The following TRIM27 variants were observed in gnomAD, a reference collection of about 807,000 sequenced individuals.
The protein encoded by TRIM27 is tripartite motif containing 27.
Under a neutral mutation model 57.6 loss-of-function variants are expected in TRIM27, and 12 were observed. The observed-to-expected ratio is 0.21, with a 90% confidence interval of 0.13 to 0.34. TRIM27 has a LOEUF of 0.34. Among genes scored for constraint, TRIM27 ranks in the 10% least tolerant of loss-of-function variants. TRIM27 has a pLI of 1.00. For synonymous variants in TRIM27, 266 were observed against 259.0 expected, an observed-to-expected ratio of 1.03 and a Z score of -0.26; for missense variants, 403 against 656.8, an observed-to-expected ratio of 0.61 and a Z score of 4.22.
chr6:28,914,587 G>GA (rs1180212967), intron 3 of TRIM27, among the ~76,000 whole-genome samples: 1 of 103,776 alleles, frequency 9.6e-6, no homozygotes, highest in Non-Finnish European at 1.9e-5. Flanking sequence ...AGGGTGGGGG[G>GA]GGGGGGATGA....
In TRIM27 at chr6:28,908,508, T is replaced by C. The variant is rs1772943208; in HGVS notation, c.919+300A>G. 1.5e-5 allele frequency: 6 copies of C among 402,468 alleles called. No individual in the cohort carries two copies. In the East Asian group the frequency reaches 2.4e-4, roughly 16 times the overall value. The allele number at this position is 402,468 out of a possible 1,614,324, so 24.9% of individuals were successfully genotyped here. ...CAAGTGAAACGTATCCAAGGTAGTT[T>C]TTGTTCATTCTTTCCGAAGTAAACA... On this transcript the variant is annotated intron_variant, in intron 6 of 7. Coordinates refer to ENST00000377199, the MANE Select transcript of TRIM27 (RefSeq NM_006510.5).
In TRIM27 at chr6:28,911,508, T is replaced by C. The variant is rs999098081; in HGVS notation, c.770+188A>G. On this transcript the variant is annotated intron_variant, in intron 4 of 7. Transcript: ENST00000377199. ...GCAGCCTCCCACATGAACCCCCTAC[T>C]TCCTGAATTTTACTGAGTAGAGCTG... The C allele has an allele frequency of 2.4e-5, 14 of 595,208 alleles. No individual in the cohort carries two copies. The Admixed American group carries it at 3.7e-4, about 16-fold the overall frequency. 36.9% of individuals were successfully genotyped at this position (595,208 alleles called of 1,614,324 possible). A position where few individuals can be genotyped will look rare whatever the true frequency, so the allele number is the denominator to read the frequency against.
intron 3 of TRIM27, among the ~76,000 whole-genome samples, chr6:28,914,581 T>TGG (rs9280508): frequency 0.013 from 521 of 38,918 alleles, 9 homozygotes; most frequent in African/African-American, 0.021. Context: ...ATTGCAAGGG[T>TGG]GGGGGGGGGG....
chr6:28,919,810 G>T (rs1288116302), intron 3 of TRIM27, among the ~76,000 whole-genome samples: 1 of 152,178 alleles, frequency 6.6e-6, no homozygotes, highest in South Asian at 2.1e-4. Context: ...ATGAGACAAC[G>T]CAATTGACTA....
At chr6:28,914,023 G>GT (rs796375490) in intron 3 of TRIM27, among the ~76,000 whole-genome samples, 9,542 of 110,412 alleles carry the variant, frequency 0.086, 393 homozygotes, top group East Asian at 0.12. Context: ...GCCTACCTAT[G>GT]TTTTTTTTTT....
intron 7 of TRIM27, 44 bp downstream of exon 7, chr6:28,907,192 T>G: frequency 1.3e-6 from 2 of 1,569,418 alleles, no homozygotes; most frequent in Non-Finnish European, 8.7e-7. Context: ...TTCACAAGGA[T>G]TTTTACTCCT....
chr6:28,903,423 G>GA lies in TRIM27; in HGVS notation c.*646dup, dbSNP rs1772529770. 1 of 233,256 alleles carries GA rather than the reference G, an allele frequency of 4.3e-6. No homozygotes were observed. 14.4% of individuals were successfully genotyped at this position (233,256 alleles called of 1,614,324 possible). A position where few individuals can be genotyped will look rare whatever the true frequency, so the allele number is the denominator to read the frequency against. Reference sequence around the variant, plus strand: ...ATGAAGAGAACAGACAAAGCCCTCAGAAAAGATACAAAGGCAGAGACATTG... The same window carrying GA: ...ATGAAGAGAACAGACAAAGCCCTCAGAAAAAGATACAAAGGCAGAGACATTG... On this transcript the variant is annotated 3_prime_UTR_variant, in exon 8 of 8. Coordinates refer to ENST00000377199, the MANE Select transcript of TRIM27 (RefSeq NM_006510.5).
chr6:28,912,794 T>G (rs1232220497), intron 3 of TRIM27, among the ~76,000 whole-genome samples: 1 of 152,224 alleles, frequency 6.6e-6, no homozygotes, highest in Non-Finnish European at 1.5e-5. Flanking sequence ...ATTTTTAAAA[T>G]TTTTTATTGA....
intron 2 of TRIM27, among the ~76,000 whole-genome samples, chr6:28,921,547 C>T (rs1774034932): frequency 6.6e-6 from 1 of 152,066 alleles, no homozygotes; most frequent in Non-Finnish European, 1.5e-5. Context: ...TACACAAATC[C>T]ACTATTAGCA....
At chr6:28,920,729 G>A (rs1773959486) in intron 2 of TRIM27, among the ~76,000 whole-genome samples, 1 of 152,172 alleles carries the variant, frequency 6.6e-6, no homozygotes, top group Non-Finnish European at 1.5e-5. Flanking sequence ...ACCAGAAAAG[G>A]TAAGGCCTTG....
chr6:28,912,380 G>A (rs574435565), intron 3 of TRIM27, among the ~76,000 whole-genome samples: 27 of 152,170 alleles, frequency 1.8e-4, no homozygotes, highest in South Asian at 6.2e-4. Flanking sequence ...AAAGTGCTGG[G>A]ATTACAAGTG....
rs200183375 is a variant in TRIM27, at chr6:28,904,623, A to G, written c.989T>C (p.Ile330Thr). Reference sequence around the variant, plus strand: ...CACTTGCCGCAGATTATCAGAGAGGATCAGGCTGGGGTAGGCCGTGTCTGG... The same window carrying G: ...CACTTGCCGCAGATTATCAGAGAGGGTCAGGCTGGGGTAGGCCGTGTCTGG... ...LDPDTAYPSL[I>T]LSDNLRQVRY... is the part of the protein sequence containing the mutation. Residue 330 changes from isoleucine to threonine, a missense_variant, in exon 8 of 8, where the codon ATC becomes ACC. Coordinates refer to ENST00000377199, the MANE Select transcript of TRIM27 (RefSeq NM_006510.5). The surrounding 1 kb of genome is among the most constrained non-coding windows in gnomAD (Gnocchi z 6.1). The G allele has an allele frequency of 3.1e-6, 5 of 1,601,190 alleles. No homozygotes were observed. The highest frequency in any genetic ancestry group is 4.2e-6 in the Non-Finnish European group (5 of 1,179,950).
chr6:28,907,388 T>C (rs1488545274), intron 6 of TRIM27, 126 bp from the exon 7 acceptor site: 1 of 890,808 alleles, frequency 1.1e-6, no homozygotes, highest in African/African-American at 1.6e-5. Flanking sequence ...CCTCTGTTGT[T>C]AGTCATGCAC....
At chr6:28,911,467 T>C (rs1424718266) in intron 4 of TRIM27, 2 of 526,064 alleles carry the variant, frequency 3.8e-6, no homozygotes, top group Non-Finnish European at 6.7e-6. Flanking sequence ...AGTGTCCTCA[T>C]ACCCCTAATC....
Position 28,921,997 on chromosome 6 carries a change from G to A in TRIM27, c.421-10C>T, listed in dbSNP as rs190369504. The A allele has an allele frequency of 3.7e-6, 6 of 1,606,650 alleles. No individual in the cohort carries two copies. The highest frequency in any genetic ancestry group is 5.1e-6 in the Non-Finnish European group (6 of 1,174,226). ...GGTTCTGGATTTGCTCCTGAGAAAAGCAAAACAGATGGGCAGTTCAAAATT... is the reference window on the plus strand; with the variant it reads ...GGTTCTGGATTTGCTCCTGAGAAAAACAAAACAGATGGGCAGTTCAAAATT... On this transcript the variant is annotated splice_polypyrimidine_tract_variant and intron_variant, in intron 1 of 7. Transcript: ENST00000377199.
chr6:28,907,455 G>C (rs1255553805), intron 6 of TRIM27, 193 bp from the exon 7 acceptor site: 1 of 715,194 alleles, frequency 1.4e-6, no homozygotes. Context: ...TAAGGGGAGA[G>C]GGATTGGGAA....
chr6:28,909,761 A>C (rs1342267832), intron 4 of TRIM27, among the ~76,000 whole-genome samples: 1 of 152,204 alleles, frequency 6.6e-6, no homozygotes, highest in East Asian at 1.9e-4. Context: ...ACATGTTCAG[A>C]TAGAAAGGCA....
intron 2 of TRIM27, 58 bp downstream of exon 2, chr6:28,921,834 A>G: frequency 7.5e-7 from 1 of 1,341,330 alleles, no homozygotes; most frequent in South Asian, 1.2e-5. Context: ...AAGTAACATC[A>G]GCTCTACAGA....
chr6:28,918,197 T>C (rs3132377), intron 3 of TRIM27, among the ~76,000 whole-genome samples: 61,725 of 152,024 alleles, frequency 0.41, 14,064 homozygotes, highest in African/African-American at 0.6. Context: ...CCTTTCCATA[T>C]GTATTTTGAA....
Sources: allele counts gnomAD v4.1 joint callset (sites outside exome capture counted in the v4.1 genomes callset), GRCh38; gene constraint gnomAD v4.1.1; non-coding constraint Gnocchi (gnomAD v3.1); transcripts MANE v1.5; gene names NCBI Gene and HGNC (gene_info 2026-07-23, HGNC 2026-07-21).